Variants in PIK3CB observed in about 807,000 individuals in gnomAD.
The protein encoded by PIK3CB is phosphatidylinositol-4,5-bisphosphate 3-kinase catalytic subunit beta, also known as phosphatidylinositol 4,5-bisphosphate 3-kinase catalytic subunit beta isoform.
PIK3CB carries 39 observed loss-of-function variants against 136.8 expected under a neutral mutation model. That is an observed-to-expected ratio of 0.29 (90% CI 0.22 to 0.37). PIK3CB has a LOEUF of 0.37. PIK3CB is among the 10% of genes least tolerant of loss of function. The pLI, the probability that PIK3CB is intolerant of heterozygous loss-of-function variation, is 1.00. For missense variants in PIK3CB, 868 were observed against 1,275.4 expected (o/e 0.68, Z 4.87); for synonymous variants, 428 against 436.6 (o/e 0.98, Z 0.25).
intron 7 of PIK3CB, among the ~76,000 whole-genome samples, chr3:138,734,411 G>T (rs1054878426): frequency 2.0e-5 from 3 of 151,992 alleles, no homozygotes; most frequent in Admixed American, 1.3e-4. Flanking sequence ...GGCAGAAAAA[G>T]ACATCAAAAA....
In PIK3CB at chr3:138,704,480, GC is replaced by G. The variant is rs1559827870; in HGVS notation, c.1543del (p.Ala515GlnfsTer24). On this transcript the variant is annotated frameshift_variant, in exon 12 of 24. Coordinates refer to ENST00000674063, the MANE Select transcript of PIK3CB (RefSeq NM_006219.3). LOFTEE classifies it high-confidence loss of function. ...YPPFDKIIEK[A>X]AEIASSDSAN... The stretch of plus-strand genomic sequence containing the variant: ...ACTATCACTGCTTGCAATCTCAGCT[GC>G]CTTTTCAATAATCTGTTTAAAAAAA... The G allele has an allele frequency of 6.2e-7, 1 of 1,605,638 alleles. No individual in the cohort carries two copies.
chr3:138,831,118 T>TA (rs35265427), intron 1 of PIK3CB, among the ~76,000 whole-genome samples: 59,872 of 140,180 alleles, frequency 0.43, 13,180 homozygotes, highest in Middle Eastern at 0.55. Flanking sequence ...CCGTCTCTAC[T>TA]AAAAAAAAAA....
At chr3:138,814,685 T>C (rs1933217490) in intron 1 of PIK3CB, among the ~76,000 whole-genome samples, 1 of 152,022 alleles carries the variant, frequency 6.6e-6, no homozygotes, top group Non-Finnish European at 1.5e-5. Context: ...GTTCCAAAGG[T>C]TGATCTCAAA....
At chr3:138,711,564 A>T (rs1176236153) in intron 10 of PIK3CB, among the ~76,000 whole-genome samples, 1 of 137,256 alleles carries the variant, frequency 7.3e-6, no homozygotes, top group Non-Finnish European at 1.5e-5. Flanking sequence ...GGGCAACAAG[A>T]GCGAAACTCC....
intron 1 of PIK3CB, chr3:138,825,544 A>G (rs1933743147): frequency 6.1e-6 from 4 of 656,084 alleles, no homozygotes; most frequent in South Asian, 5.7e-5. Flanking sequence ...CAGTGACAAC[A>G]TGCTGAAGCC....
intron 8 of PIK3CB, among the ~76,000 whole-genome samples, chr3:138,722,880 A>AGG (rs2044757112): frequency 1.3e-5 from 2 of 152,114 alleles, no homozygotes. Flanking sequence ...ATTTGTTGAA[A>AGG]ATAAGTATCA....
chr3:138,727,816 ACCC>A, intron 8 of PIK3CB, among the ~76,000 whole-genome samples: 1 of 152,014 alleles, frequency 6.6e-6, no homozygotes, highest in South Asian at 2.1e-4. Context: ...TGTCTACCAT[ACCC>A]ATTAAATAAA....
intron 1 of PIK3CB, among the ~76,000 whole-genome samples, chr3:138,819,819 A>G (rs1285305716): frequency 6.6e-6 from 1 of 152,168 alleles, no homozygotes; most frequent in East Asian, 1.9e-4. Flanking sequence ...CACTAAAAAT[A>G]CAAAAATTAG....
At chr3:138,663,527 G>A (rs951321542) in intron 21 of PIK3CB, among the ~76,000 whole-genome samples, 1 of 151,960 alleles carries the variant, frequency 6.6e-6, no homozygotes, top group African/African-American at 2.4e-5. Context: ...GATTACAGGC[G>A]CCTGCCACCA....
intron 8 of PIK3CB, among the ~76,000 whole-genome samples, chr3:138,719,901 CAA>C (rs35361825): frequency 1.4e-5 from 2 of 145,092 alleles, no homozygotes; most frequent in Non-Finnish European, 3.0e-5. Flanking sequence ...CAAACACTGA[CAA>C]AAAAAAAGGG....
At chr3:138,831,261 T>TAAATAAAATA (rs34817349) in intron 1 of PIK3CB, among the ~76,000 whole-genome samples, 6,071 of 145,416 alleles carry the variant, frequency 0.042, 184 homozygotes, top group African/African-American at 0.087. Flanking sequence ...CCGTCTCAAA[T>TAAATAAAATA]AAATAAAATA....
chr3:138,828,954 A>ATTTTTTTTT (rs34176247), intron 1 of PIK3CB, among the ~76,000 whole-genome samples: 2 of 130,848 alleles, frequency 1.5e-5, no homozygotes, highest in African/African-American at 2.9e-5. Context: ...CACCAGGCTA[A>ATTTTTTTTT]TTTTTTTTTT....
chr3:138,826,004 G>C, intron 1 of PIK3CB: 1 of 1,480,180 alleles, frequency 6.8e-7, no homozygotes, highest in Non-Finnish European at 9.3e-7. Context: ...CCAAATCAGT[G>C]CTGGCTATGC....
intron 21 of PIK3CB, among the ~76,000 whole-genome samples, chr3:138,660,658 A>G (rs546952806): frequency 6.6e-6 from 1 of 152,190 alleles, no homozygotes; most frequent in Non-Finnish European, 1.5e-5. Flanking sequence ...GTTAACAACA[A>G]TATATTGTAT....
chr3:138,662,064 A>AT (rs1207772236), intron 21 of PIK3CB, among the ~76,000 whole-genome samples: 1 of 151,698 alleles, frequency 6.6e-6, no homozygotes, highest in Non-Finnish European at 1.5e-5. Context: ...AAAAGAGAAA[A>AT]TAACTCAAGT....
intron 2 of PIK3CB, among the ~76,000 whole-genome samples, chr3:138,780,163 T>G (rs1359796031): frequency 1.3e-5 from 2 of 152,150 alleles, no homozygotes; most frequent in African/African-American, 2.4e-5. Context: ...TTTGCTAATG[T>G]TGGCCAGACT....
chr3:138,711,929 G>T (rs1395360128), intron 10 of PIK3CB, among the ~76,000 whole-genome samples: 1 of 151,694 alleles, frequency 6.6e-6, no homozygotes, highest in African/African-American at 2.4e-5. Context: ...TGGCAGTATA[G>T]CGAGACCTTG....
At chr3:138,759,670 C>T (rs1207408519) in intron 2 of PIK3CB, among the ~76,000 whole-genome samples, 1 of 152,082 alleles carries the variant, frequency 6.6e-6, no homozygotes, top group Non-Finnish European at 1.5e-5. Context: ...TATGTACACA[C>T]ACACACACCA....
intron 6 of PIK3CB, 92 bp from the exon 7 acceptor site, chr3:138,734,896 C>T (rs1160516082): frequency 5.2e-6 from 4 of 765,490 alleles, no homozygotes; most frequent in African/African-American, 1.8e-5. Context: ...ATATCAAATG[C>T]ACTGTGAAAG....
Sources: allele counts gnomAD v4.1 joint callset (sites outside exome capture counted in the v4.1 genomes callset), GRCh38; gene constraint gnomAD v4.1.1; transcripts MANE v1.5; gene names NCBI Gene and HGNC (gene_info 2026-07-23, HGNC 2026-07-21).